ADAMTSL1: variants seen among roughly 807,000 people sequenced by gnomAD.
ADAMTSL1 encodes ADAMTS like 1, also known as ADAMTS-like protein 1.
A neutral mutation model predicts 201.8 loss-of-function variants in ADAMTSL1; 126 were observed. That is an observed-to-expected ratio of 0.62 (90% CI 0.54 to 0.72). The LOEUF is 0.72. Among genes scored for constraint, ADAMTSL1 ranks in the 30% least tolerant of loss-of-function variants. ADAMTSL1 has a pLI of 0.00. For synonymous variants in ADAMTSL1, 1,121 were observed against 903.4 expected, an observed-to-expected ratio of 1.24 and a Z score of -4.32; for missense variants, 2,679 against 2,277.8, an observed-to-expected ratio of 1.18 and a Z score of -3.59.
At chr9:18,353,538 G>C (rs1836071247) in intron 2 of ADAMTSL1, among the ~76,000 whole-genome samples, 1 of 152,154 alleles carries the variant, frequency 6.6e-6, no homozygotes, top group African/African-American at 2.4e-5. Context: ...TGGTCATAAA[G>C]CTATAATTTA....
At chr9:18,419,981 G>A (rs907816086) in intron 2 of ADAMTSL1, among the ~76,000 whole-genome samples, 1 of 152,064 alleles carries the variant, frequency 6.6e-6, no homozygotes, top group Non-Finnish European at 1.5e-5. Flanking sequence ...ACCCGCCTCG[G>A]CCTTCCAAAG....
intron 2 of ADAMTSL1, among the ~76,000 whole-genome samples, chr9:18,279,294 G>A (rs1832697615): frequency 6.6e-6 from 1 of 151,772 alleles, no homozygotes; most frequent in Non-Finnish European, 1.5e-5. Flanking sequence ...AATACTACAT[G>A]TTTTATTCAT....
At chr9:18,206,491 A>C (rs1221974790) in intron 2 of ADAMTSL1, among the ~76,000 whole-genome samples, 1 of 152,032 alleles carries the variant, frequency 6.6e-6, no homozygotes, top group Non-Finnish European at 1.5e-5. Flanking sequence ...TTGAGTTCTC[A>C]TGACCCCTAC....
intron 15 of ADAMTSL1, among the ~76,000 whole-genome samples, chr9:18,729,588 C>T (rs970590063): frequency 1.4e-4 from 21 of 152,164 alleles, no homozygotes; most frequent in African/African-American, 3.6e-4. Context: ...TATAATGTTA[C>T]GCTGCCCTTT....
Position 18,777,851 on chromosome 9 carries a change from C to T in ADAMTSL1, c.3622C>T (p.Pro1208Ser), listed in dbSNP as rs552107974. The T allele has an allele frequency of 6.3e-7, 1 of 1,587,244 alleles. No homozygotes were observed. The highest frequency in any genetic ancestry group is 8.6e-7 in the Non-Finnish European group (1 of 1,162,148). The change falls in exon 19 of 29, where the codon CCA (proline) becomes TCA (serine). Residue 1208 changes from proline (P) to serine (S), a missense_variant. By Grantham distance (74) the Pro-to-Ser change is moderately conservative. Coordinates refer to ENST00000380548, the MANE Select transcript of ADAMTSL1 (RefSeq NM_001040272.6). ...TCTGCACTGTGAGGCCATCGGCCAC[C>T]CAAGGCCTACCATCAGCTGGGCCAG... ...VLLHCEAIGH[P>S]RPTISWARNG...
rs571210409 is a variant in ADAMTSL1 at position 18,577,444 on chromosome 9, C to G, written c.474+3178C>G. On this transcript the variant is annotated intron_variant, in intron 4 of 28. Transcript: ENST00000380548. ...GAGGTTGCAGTGAGCCGAGATTGCACCACTGTACTCCAGCCTGGGTGACAG... is the reference window on the plus strand; with the variant it reads ...GAGGTTGCAGTGAGCCGAGATTGCAGCACTGTACTCCAGCCTGGGTGACAG... 6.6e-5 allele frequency among the ~76,000 whole-genome samples: 10 copies of G among 152,268 alleles called. No individual in the cohort carries two copies. The East Asian group carries it at 1.5e-3, about 24-fold the overall frequency.
chr9:18,460,531 T>G (rs1012623682), intron 2 of ADAMTSL1, among the ~76,000 whole-genome samples: 23 of 152,134 alleles, frequency 1.5e-4, no homozygotes, highest in Non-Finnish European at 3.1e-4. Flanking sequence ...TTATGGCAGA[T>G]TTTGTGATGC....
chr9:18,210,222 A>G (rs201498636), intron 2 of ADAMTSL1, among the ~76,000 whole-genome samples: 2 of 151,502 alleles, frequency 1.3e-5, no homozygotes, highest in African/African-American at 2.4e-5. Flanking sequence ...CTTTCCCTCC[A>G]AATATAAAGT....
intron 23 of ADAMTSL1, among the ~76,000 whole-genome samples, chr9:18,856,972 A>C (rs1028049769): frequency 6.6e-6 from 1 of 152,162 alleles, no homozygotes; most frequent in Non-Finnish European, 1.5e-5. Context: ...AGCCATCGGC[A>C]ATTTCACCTT....
chr9:18,419,583 C>G (rs909225308), intron 2 of ADAMTSL1, among the ~76,000 whole-genome samples: 2 of 152,266 alleles, frequency 1.3e-5, no homozygotes, highest in South Asian at 2.1e-4. Context: ...CAGACTGGTA[C>G]CTTTGTACTG....
intron 2 of ADAMTSL1, among the ~76,000 whole-genome samples, chr9:18,204,205 T>C (rs55941140): frequency 0.033 from 4,968 of 152,232 alleles, 124 homozygotes; most frequent in Non-Finnish European, 0.054. Flanking sequence ...TGAATTATAA[T>C]CCCCATGTGT....
chr9:18,694,524 G>T (rs917163421), intron 13 of ADAMTSL1, among the ~76,000 whole-genome samples: 3 of 152,152 alleles, frequency 2.0e-5, no homozygotes, highest in Non-Finnish European at 2.9e-5. Context: ...AAACAAAGGG[G>T]TTACAGACCC....
chr9:18,333,182 T>C (rs1775030586), intron 2 of ADAMTSL1, among the ~76,000 whole-genome samples: 1 of 152,210 alleles, frequency 6.6e-6, no homozygotes, highest in African/African-American at 2.4e-5. Flanking sequence ...TTATACCAAG[T>C]GATATGGTTT....
At chr9:18,616,250 C>G (rs137936524) in intron 4 of ADAMTSL1, among the ~76,000 whole-genome samples, 4 of 152,092 alleles carry the variant, frequency 2.6e-5, no homozygotes, top group Admixed American at 2.0e-4. Context: ...GTCTCAAACT[C>G]GTGGCCTCAA....
chr9:18,659,671 G>A (rs967656468), intron 8 of ADAMTSL1, among the ~76,000 whole-genome samples: 1 of 152,180 alleles, frequency 6.6e-6, no homozygotes, highest in African/African-American at 2.4e-5. Context: ...GGAGGCTGAG[G>A]CATGAGAATT....
At chr9:18,460,075 A>T (rs984512360) in intron 2 of ADAMTSL1, among the ~76,000 whole-genome samples, 1 of 152,176 alleles carries the variant, frequency 6.6e-6, no homozygotes, top group Admixed American at 6.5e-5. Context: ...CTCTAGTAGA[A>T]AAAGTGGGAA....
chr9:18,816,390 C>A (rs766603561), intron 20 of ADAMTSL1, among the ~76,000 whole-genome samples: 1 of 152,122 alleles, frequency 6.6e-6, no homozygotes, highest in African/African-American at 2.4e-5. Flanking sequence ...GTGCATGCCA[C>A]CACACCCGGT....
intron 2 of ADAMTSL1, among the ~76,000 whole-genome samples, chr9:18,425,959 T>C (rs933861632): frequency 6.6e-5 from 10 of 151,886 alleles, no homozygotes; most frequent in African/African-American, 2.4e-4. Flanking sequence ...TATTGAAAGA[T>C]GAGACCATGA....
At chr9:18,293,591 A>G (rs1181967801) in intron 2 of ADAMTSL1, among the ~76,000 whole-genome samples, 1 of 152,218 alleles carries the variant, frequency 6.6e-6, no homozygotes, top group African/African-American at 2.4e-5. Context: ...CTGACTTCAC[A>G]CTTTTTCTCA....
Sources: gnomAD v4.1 joint callset for allele counts (sites outside exome capture counted in the v4.1 genomes callset) on GRCh38, gnomAD v4.1.1 for gene constraint, MANE v1.5 for transcripts, NCBI Gene and HGNC (gene_info 2026-07-23, HGNC 2026-07-21) for gene names.